The following CCDC18 variants were observed in gnomAD, a reference collection of about 807,000 sequenced individuals.
CCDC18 encodes coiled-coil domain-containing protein 18.
CCDC18 carries 157 observed loss-of-function variants against 196.0 expected under a neutral mutation model. The ratio of observed to expected loss-of-function variants is 0.80; its 90% CI spans 0.70 to 0.91. CCDC18 has a LOEUF of 0.91. Among genes scored for constraint, CCDC18 ranks in the 40% least tolerant of loss-of-function variants. The pLI is 0.00. For synonymous variants in CCDC18, 482 were observed against 529.2 expected, an observed-to-expected ratio of 0.91 and a Z score of 1.22; for missense variants, 1,465 against 1,611.6, an observed-to-expected ratio of 0.91 and a Z score of 1.56.
At chr1:93,181,029 A>C (rs1438529927) in intron 1 of CCDC18, 177 bp downstream of exon 1, 1 of 589,380 alleles carries the variant, frequency 1.7e-6, no homozygotes, top group Admixed American at 3.0e-5. Context: ...TTGATGAAAA[A>C]TAGGAGGCCG....
chr1:93,270,479 T>G lies in CCDC18; in HGVS notation c.4018T>G (p.Cys1340Gly). Residue 1340 changes from cysteine to glycine, a missense_variant, in exon 28 of 29, where the codon TGT (cysteine) becomes GGT (glycine). Cys to Gly is a radical substitution (Grantham distance 159). Coordinates refer to ENST00000690025, the MANE Select transcript of CCDC18 (RefSeq NM_001378204.1). The stretch of plus-strand genomic sequence containing the variant: ...TGTTCAAGATCCAAAATTTGCTAAA[T>G]GTTTTCACACATCTTTTTCCAAGTG... ...PDVQDPKFAK[C>G]FHTSFSKCTK... 4 of 1,550,434 alleles carry G rather than the reference T, an allele frequency of 2.6e-6. No homozygotes were observed. Among genetic ancestry groups the G allele is most frequent in the Non-Finnish European group, 3.5e-6 (4 of 1,146,892 alleles).
rs151061294 is a variant in CCDC18, at chr1:93,237,021, T to C, written c.2603+631T>C. Among the ~76,000 whole-genome samples, 33 of 152,266 alleles carry C rather than the reference T, an allele frequency of 2.2e-4. No homozygotes were observed. The East Asian group carries it at 5.4e-3, about 25-fold the overall frequency. The stretch of plus-strand genomic sequence containing the variant: ...ATCTCTTCTACTTTGTTGGGAAGAA[T>C]TGACATAATTTATAACATAATCAGC... On this transcript the variant is annotated intron_variant, in intron 19 of 28. Transcript: ENST00000690025.
At chr1:93,220,267 C>G (rs1417583040) in intron 14 of CCDC18, among the ~76,000 whole-genome samples, 1 of 152,042 alleles carries the variant, frequency 6.6e-6, no homozygotes, top group African/African-American at 2.4e-5. Flanking sequence ...AACTGTCATT[C>G]TATTTTATAT....
chr1:93,207,321 C>T lies in CCDC18; in HGVS notation c.1132C>T (p.Leu378=), dbSNP rs1015858453. The change falls in exon 9 of 29, where the codon CTA becomes TTA. Residue 378 remains leucine (L), a synonymous_variant. Transcript: ENST00000690025. The part of the protein sequence containing the change: ...KVRVAAQNER[L]DLCQQEIESS... Reference sequence around the variant, plus strand: ...CCGTGTTGCAGCACAGAATGAGCGACTAGATTTATGTCAACAAGAAATTGA... The same window carrying T: ...CCGTGTTGCAGCACAGAATGAGCGATTAGATTTATGTCAACAAGAAATTGA... 3.7e-6 allele frequency: 6 copies of T among 1,612,764 alleles called. No individual in the cohort carries two copies. The African/African-American group carries it at 8.0e-5, about 22-fold the overall frequency.
Position 93,264,842 on chromosome 1 carries a change from C to T in CCDC18, c.3826C>T (p.Gln1276Ter). 6.2e-7 allele frequency: 1 copy of T among 1,613,392 alleles called. No homozygotes were observed. The highest frequency in any genetic ancestry group is 8.5e-7 in the Non-Finnish European group (1 of 1,179,596). ...TCAGGATACTGTAAGCAATTTGCAT[C>T]AACAAGTCCAAGATAGGAATGAAGT... ...EAQDTVSNLH[Q>*]QVQDRNEVIE... The change falls in exon 27 of 29, where the codon CAA (glutamine) becomes TAA (stop). Residue 1276 changes from glutamine (Q) to a stop codon, truncating the protein, a stop_gained. Coordinates refer to ENST00000690025, the MANE Select transcript of CCDC18 (RefSeq NM_001378204.1). LOFTEE classifies it high-confidence loss of function.
At chr1:93,262,677 T>C (rs1191077024) in intron 26 of CCDC18, among the ~76,000 whole-genome samples, 3 of 152,196 alleles carry the variant, frequency 2.0e-5, no homozygotes, top group Non-Finnish European at 4.4e-5. Flanking sequence ...CCTGGGGCTT[T>C]TCCAAGTGCA....
intron 16 of CCDC18, among the ~76,000 whole-genome samples, chr1:93,224,591 G>T (rs1658000326): frequency 6.6e-6 from 1 of 152,188 alleles, no homozygotes; most frequent in South Asian, 2.1e-4. Context: ...AATTTAAGGA[G>T]ACACTCTCAG....
rs1328590464 is a variant in CCDC18 at position 93,239,919 on chromosome 1, A to G, written c.2981+23A>G. On this transcript the variant is annotated intron_variant, in intron 21 of 28. Transcript: ENST00000690025. ...TAGGTGAGTTAAATAATAAGAAATT[A>G]TATCACAGTTATAAGTCCTTGGATA... 3 of 1,403,472 alleles carry G rather than the reference A, an allele frequency of 2.1e-6. No homozygotes were observed. The South Asian group carries it at 3.6e-5, about 17-fold the overall frequency. The allele number at this position is 1,403,472 out of a possible 1,614,324, so 86.9% of individuals were successfully genotyped here. A position where few individuals can be genotyped will look rare whatever the true frequency, so the allele number is the denominator to read the frequency against.
chr1:93,275,017 A>T (rs1665553639), intron 28 of CCDC18, among the ~76,000 whole-genome samples: 1 of 152,210 alleles, frequency 6.6e-6, no homozygotes, highest in Non-Finnish European at 1.5e-5. Flanking sequence ...CATGAGCCTC[A>T]GTTGCATTAC....
At position 93,216,774 on chromosome 1, in the gene CCDC18, T is replaced by A. The variant is rs566897768; in HGVS notation, c.1830+28T>A. On this transcript the variant is annotated intron_variant, in intron 13 of 28. Coordinates refer to ENST00000690025, the MANE Select transcript of CCDC18 (RefSeq NM_001378204.1). ...AAAACTTATCTTTGTTCCTACAAAT[T>A]TACTGTGATTTTTAGGCACTTAATT... The A allele has an allele frequency of 8.2e-6, 10 of 1,218,448 alleles. No individual in the cohort carries two copies. The African/African-American group carries it at 1.5e-4, about 19-fold the overall frequency. The allele number at this position is 1,218,448 out of a possible 1,614,324, so 75.5% of individuals were successfully genotyped here. A position where few individuals can be genotyped will look rare whatever the true frequency, so the allele number is the denominator to read the frequency against.
At chr1:93,218,314 A>G (rs1656827626) in intron 14 of CCDC18, among the ~76,000 whole-genome samples, 2 of 152,230 alleles carry the variant, frequency 1.3e-5, no homozygotes, top group African/African-American at 4.8e-5. Flanking sequence ...CTGAAACCAC[A>G]GATAGTACTG....
At position 93,186,207 on chromosome 1, in the gene CCDC18, A is replaced by G. The variant is rs998342412; in HGVS notation, c.304-138A>G. On this transcript the variant is annotated intron_variant, in intron 3 of 28. Coordinates refer to ENST00000690025, the MANE Select transcript of CCDC18 (RefSeq NM_001378204.1). The stretch of plus-strand genomic sequence containing the variant: ...ATTGATTGTTCCACATATCCTTGTC[A>G]ATACTCACTAAGTATTTTAACTCAT... 57 of 731,018 alleles carry G rather than the reference A, an allele frequency of 7.8e-5. No individual in the cohort carries two copies. The South Asian group carries it at 8.7e-4, about 11-fold the overall frequency. The allele number at this position is 731,018 out of a possible 1,614,324, so 45.3% of individuals were successfully genotyped here.
At position 93,218,991 on chromosome 1, in the gene CCDC18, T is replaced by A. The variant is rs189214146; in HGVS notation, c.1962+1122T>A. On this transcript the variant is annotated intron_variant, in intron 14 of 28. Coordinates refer to ENST00000690025, the MANE Select transcript of CCDC18 (RefSeq NM_001378204.1). ...AGCTTCTCCAATAATTTTAATATTT[T>A]TCAGTCTAACCCTATTATTGAATCT... Among the ~76,000 whole-genome samples, 1,426 of 152,310 alleles carry A rather than the reference T, an allele frequency of 9.4e-3. 6 individuals carry two copies. Among genetic ancestry groups the A allele is most frequent in the Non-Finnish European group, 0.014 (935 of 68,036 alleles).
intron 21 of CCDC18, among the ~76,000 whole-genome samples, chr1:93,244,041 G>A (rs551660943): frequency 3.9e-5 from 6 of 152,220 alleles, no homozygotes; most frequent in Non-Finnish European, 5.9e-5. Context: ...GAGTTTTCAC[G>A]CTGTTGATAA....
At chr1:93,264,938 G>GA in intron 27 of CCDC18, 37 bp downstream of exon 27, 1 of 1,415,580 alleles carries the variant, frequency 7.1e-7, no homozygotes, top group Non-Finnish European at 1.0e-6. Context: ...GCATATCTAT[G>GA]AAAACATAAA....
chr1:93,192,104 G>A lies in CCDC18; in HGVS notation c.567G>A (p.Leu189=), dbSNP rs2101645073. ...EAEVSAQDKV[L]REAENKLEQS... Reference sequence around the variant, plus strand: ...AGGTTTCAGCTCAAGATAAAGTTTTGAGGTAAATATACTTTTTATAGCTCT... The same window carrying A: ...AGGTTTCAGCTCAAGATAAAGTTTTAAGGTAAATATACTTTTTATAGCTCT... Residue 189 remains leucine (L), a splice_region_variant and synonymous_variant, in exon 5 of 29, where the codon TTG becomes TTA. Transcript: ENST00000690025. 1 of 1,588,654 alleles carries A rather than the reference G, an allele frequency of 6.3e-7. No individual in the cohort carries two copies. Among genetic ancestry groups the A allele is most frequent in the African/African-American group, 1.3e-5 (1 of 74,386 alleles).
At chr1:93,191,730 A>G (rs1306158968) in intron 4 of CCDC18, among the ~76,000 whole-genome samples, 1 of 152,244 alleles carries the variant, frequency 6.6e-6, no homozygotes, top group Non-Finnish European at 1.5e-5. Context: ...AAATCTTGCT[A>G]GATGCTTATC....
At position 93,270,805 on chromosome 1, in the gene CCDC18, T is replaced by A. The variant is rs1319219783; in HGVS notation, c.4344T>A (p.Gly1448=). 12 of 1,529,688 alleles carry A rather than the reference T, an allele frequency of 7.8e-6. No individual in the cohort carries two copies. Among genetic ancestry groups the A allele is most frequent in the East Asian group, 4.9e-5 (2 of 40,760 alleles). The allele number at this position is 1,529,688 out of a possible 1,614,324, so 94.8% of individuals were successfully genotyped here. Residue 1448 remains glycine (G), a synonymous_variant, in exon 28 of 29, where the codon GGT becomes GGA. Transcript: ENST00000690025. ...LKKSSMQTGA[G]LNQGENV is the part of the protein sequence containing the mutation. ...AGTCTTCTATGCAAACAGGTGCTGG[T>A]TTAAATCAGGTATGTATTTTATACA...
In CCDC18 at chr1:93,258,809, T is replaced by C. The variant is rs762300520; in HGVS notation, c.3608T>C (p.Leu1203Ser). The C allele has an allele frequency of 6.3e-7, 1 of 1,597,596 alleles. No individual in the cohort carries two copies. The highest frequency in any genetic ancestry group is 8.5e-7 in the Non-Finnish European group (1 of 1,172,466). The change falls in exon 26 of 29, where the codon TTA becomes TCA. Residue 1203 changes from leucine (L) to serine (S), a missense_variant. Coordinates refer to ENST00000690025, the MANE Select transcript of CCDC18 (RefSeq NM_001378204.1). ...LGASKVREAH[L>S]EARMQAEIKK... ...GCTTCTAAAGTACGTGAAGCTCATTTAGAAGCAAGAATGCAAGCAGAAATC... is the reference window on the plus strand; with the variant it reads ...GCTTCTAAAGTACGTGAAGCTCATTCAGAAGCAAGAATGCAAGCAGAAATC...
Sources: gnomAD v4.1 joint callset for allele counts (sites outside exome capture counted in the v4.1 genomes callset) on GRCh38, gnomAD v4.1.1 for gene constraint, MANE v1.5 for transcripts, NCBI Gene and HGNC (gene_info 2026-07-23, HGNC 2026-07-21) for gene names.